Variants in CLDN16 observed in about 807,000 individuals in gnomAD.
The protein encoded by CLDN16 is claudin-16.
Under a neutral mutation model 24.6 loss-of-function variants are expected in CLDN16, and 13 were observed. That is an observed-to-expected ratio of 0.53 (90% confidence interval 0.34 to 0.84). The LOEUF (loss-of-function observed/expected upper bound fraction) is 0.84, where lower values mean the gene tolerates loss of function less well. Among genes scored for constraint, CLDN16 ranks in the 40% least tolerant of loss-of-function variants. The pLI is 0.01. For missense variants in CLDN16, 298 were observed against 292.7 expected (o/e 1.02, Z -0.13); for synonymous variants, 116 against 106.7 (o/e 1.09, Z -0.54).
intron 1 of CLDN16, among the ~76,000 whole-genome samples, chr3:190,363,287 C>T (rs1384794154): frequency 1.3e-5 from 2 of 151,558 alleles, no homozygotes; most frequent in East Asian, 2.0e-4. Context: ...GGCATTCTAG[C>T]TGGTTGTTTT....
the CLDN16 span, chr3:190,307,530 A>T: frequency 6.6e-6 from 1 of 152,172 alleles, no homozygotes; most frequent in Non-Finnish European, 1.5e-5. Flanking sequence ...ATGCAGAAAG[A>T]TTTGCCTCCA....
chr3:190,313,365 G>T, the CLDN16 span: 1 of 303,338 alleles, frequency 3.3e-6, no homozygotes, highest in East Asian at 8.0e-5. Flanking sequence ...TTTTACTAAG[G>T]GATTTTCATC....
chr3:190,340,730 G>A lies in CLDN16; in HGVS notation n.121+18069G>A, dbSNP rs966269238. On this transcript the variant is annotated intron_variant and non_coding_transcript_variant, in intron 1 of 4. Coordinates refer to the CLDN16 transcript ENST00000468220. ...AACTCATTTCAGCATTAACTCAAAA[G>A]TCCAAAATCTCATCTGAGACAAGGC... Among the ~76,000 whole-genome samples the A allele has an allele frequency of 6.6e-5, 10 of 152,164 alleles. 1 individual carries two copies. The East Asian group carries it at 1.7e-3, about 26-fold the overall frequency.
the CLDN16 span, among the ~76,000 whole-genome samples, chr3:190,292,662 TA>T: frequency 3.3e-5 from 5 of 152,206 alleles, no homozygotes; most frequent in Non-Finnish European, 7.3e-5. Context: ...GCTTCCCTTT[TA>T]AACATAACTT....
At chr3:190,310,595 A>G in the CLDN16 span, among the ~76,000 whole-genome samples, 1 of 152,190 alleles carries the variant, frequency 6.6e-6, no homozygotes, top group Non-Finnish European at 1.5e-5. Context: ...ATTTGATAAA[A>G]CTATTGTCAT....
At chr3:190,313,124 A>C in the CLDN16 span, 1 of 1,489,808 alleles carries the variant, frequency 6.7e-7, no homozygotes, top group Non-Finnish European at 9.3e-7. Context: ...TCACTGTTGT[A>C]TGGAAGAGAG....
intron 1 of CLDN16, among the ~76,000 whole-genome samples, chr3:190,362,279 T>C (rs953573877): frequency 2.0e-5 from 3 of 151,924 alleles, no homozygotes; most frequent in African/African-American, 7.2e-5. Context: ...GATCAGTGCT[T>C]GAGATATTTT....
intron 1 of CLDN16, among the ~76,000 whole-genome samples, chr3:190,344,018 A>G (rs1234451984): frequency 6.6e-6 from 1 of 151,424 alleles, no homozygotes; most frequent in African/African-American, 2.5e-5. Flanking sequence ...TGGATTTGCT[A>G]TTTTGTTTCA....
intron 1 of CLDN16, among the ~76,000 whole-genome samples, chr3:190,395,631 GA>G (rs1718800077): frequency 6.6e-6 from 1 of 152,004 alleles, no homozygotes; most frequent in South Asian, 2.1e-4. Context: ...ATCTAAGTAG[GA>G]AAGTCACATC....
At chr3:190,400,325 G>A (rs1284298460) in intron 1 of CLDN16, among the ~76,000 whole-genome samples, 5 of 151,764 alleles carry the variant, frequency 3.3e-5, no homozygotes, top group Admixed American at 1.3e-4. Flanking sequence ...TGCAACATCC[G>A]ACTCAGTGGT....
At chr3:190,390,702 G>A (rs6784836) in intron 1 of CLDN16, among the ~76,000 whole-genome samples, 121,517 of 152,184 alleles carry the variant, frequency 0.8, 48,663 homozygotes, top group East Asian at 0.89. Context: ...AGGTTCTGAT[G>A]CTAGCTCAAT....
chr3:190,399,291 G>A (rs1173756692), intron 1 of CLDN16, among the ~76,000 whole-genome samples: 3 of 152,134 alleles, frequency 2.0e-5, no homozygotes, highest in African/African-American at 4.8e-5. Flanking sequence ...ATCACCTGAG[G>A]TCAGGAGTTC....
the CLDN16 span, among the ~76,000 whole-genome samples, chr3:190,300,193 C>T: frequency 2.2e-3 from 324 of 150,508 alleles, 3 homozygotes; most frequent in African/African-American, 7.8e-3. Flanking sequence ...GACAGCTTTT[C>T]GCTGCAGTGC....
upstream of CLDN16, among the ~76,000 whole-genome samples, chr3:190,318,390 TAAC>T (rs1268369455): frequency 1.3e-5 from 2 of 152,168 alleles, no homozygotes; most frequent in African/African-American, 4.8e-5. Flanking sequence ...ACTGAAGTAA[TAAC>T]AAAGAATTCT....
the CLDN16 span, chr3:190,308,323 C>G: frequency 6.2e-7 from 1 of 1,613,702 alleles, no homozygotes; most frequent in Non-Finnish European, 8.5e-7. Context: ...TGGATAGGGC[C>G]TTGGTGTTGG....
chr3:190,373,650 GA>G (rs1229569685), intron 2 of CLDN16, among the ~76,000 whole-genome samples: 1 of 151,786 alleles, frequency 6.6e-6, no homozygotes, highest in East Asian at 1.9e-4. Context: ...TTTAAGATAA[GA>G]TTATTTAATC....
chr3:190,379,033 G>C (rs990002717), intron 3 of CLDN16, among the ~76,000 whole-genome samples: 1 of 152,000 alleles, frequency 6.6e-6, no homozygotes, highest in Non-Finnish European at 1.5e-5. Flanking sequence ...CAAAAACTGG[G>C]CTATAGACCT....
At chr3:190,362,916 T>C (rs992196171) in intron 1 of CLDN16, among the ~76,000 whole-genome samples, 3 of 151,990 alleles carry the variant, frequency 2.0e-5, no homozygotes, top group African/African-American at 7.2e-5. Flanking sequence ...ACCTTAGTTT[T>C]GGTTTTGGGA....
chr3:190,316,760 T>C, the CLDN16 span, among the ~76,000 whole-genome samples: 1 of 152,206 alleles, frequency 6.6e-6, no homozygotes, highest in African/African-American at 2.4e-5. Flanking sequence ...AATTAGAACA[T>C]GTCTTTATCC....
Sources: allele counts gnomAD v4.1 joint callset (sites outside exome capture counted in the v4.1 genomes callset), GRCh38; gene constraint gnomAD v4.1.1; transcripts MANE v1.5; gene names NCBI Gene and HGNC (gene_info 2026-07-23, HGNC 2026-07-21).